FAT3: variants seen among roughly 807,000 people sequenced by gnomAD.
FAT3 encodes FAT atypical cadherin 3, also known as protocadherin Fat 3.
In FAT3, 95 loss-of-function variants were observed where a neutral mutation model predicts 310.2. That is an observed-to-expected ratio of 0.31 (90% CI 0.26 to 0.36). The LOEUF is 0.36. Ranked by LOEUF, FAT3 falls within the 10% of genes least tolerant of loss-of-function variation. FAT3 has a pLI of 1.00. For missense variants in FAT3, 5,408 were observed against 5,715.6 expected (o/e 0.95, Z 1.74); for synonymous variants, 2,314 against 2,192.9 (o/e 1.06, Z -1.54).
At chr11:92,437,358 T>C (rs1950961878) in intron 2 of FAT3, among the ~76,000 whole-genome samples, 1 of 152,200 alleles carries the variant, frequency 6.6e-6, no homozygotes, top group Admixed American at 6.5e-5. Context: ...ACAGTATTAA[T>C]TGTCAGCAGA....
At chr11:92,427,375 G>T (rs1317672373) in intron 2 of FAT3, among the ~76,000 whole-genome samples, 1 of 152,096 alleles carries the variant, frequency 6.6e-6, no homozygotes, top group Non-Finnish European at 1.5e-5. Flanking sequence ...TCCCTTGCCT[G>T]ATTGCCCTGG....
chr11:92,874,700 C>T (rs10765568), intron 22 of FAT3, among the ~76,000 whole-genome samples: 46,677 of 151,992 alleles, frequency 0.31, 7,948 homozygotes, highest in South Asian at 0.48. Flanking sequence ...CCACCATGCC[C>T]GGCTAATTTT....
chr11:92,289,536 C>CAT (rs1463070776), intron 1 of FAT3, among the ~76,000 whole-genome samples: 1 of 127,596 alleles, frequency 7.8e-6, no homozygotes, highest in Non-Finnish European at 1.6e-5. Flanking sequence ...CACACACACA[C>CAT]ATATATATGT....
At chr11:92,739,351 A>G (rs1189605577) in intron 4 of FAT3, among the ~76,000 whole-genome samples, 1 of 152,104 alleles carries the variant, frequency 6.6e-6, no homozygotes, top group African/African-American at 2.4e-5. Flanking sequence ...TGTTATGGTA[A>G]TGGTCCTATC....
intron 2 of FAT3, among the ~76,000 whole-genome samples, chr11:92,389,296 C>T (rs1949697279): frequency 6.6e-6 from 1 of 152,134 alleles, no homozygotes; most frequent in South Asian, 2.1e-4. Context: ...AAGTCTAAGA[C>T]CAGCTCGTAG....
In FAT3 at chr11:92,373,768, A is replaced by G. The variant is rs1424353545; in HGVS notation, c.3292+18364A>G. 1.5e-4 allele frequency among the ~76,000 whole-genome samples: 10 copies of G among 67,590 alleles called. No individual in the cohort carries two copies. The African/African-American group carries it at 3.8e-3, about 25-fold the overall frequency. 44.3% of individuals were successfully genotyped at this position (67,590 alleles called of 152,430 possible). A position where few individuals can be genotyped will look rare whatever the true frequency, so the allele number is the denominator to read the frequency against. ...CCAGTGGAGATATGTATGCACACACACACACACACACACACACACACACAC... is the reference window on the plus strand; with the variant it reads ...CCAGTGGAGATATGTATGCACACACGCACACACACACACACACACACACAC... On this transcript the variant is annotated intron_variant, in intron 2 of 27. Transcript: ENST00000525166.
intron 1 of FAT3, among the ~76,000 whole-genome samples, chr11:92,260,901 A>G (rs1865525020): frequency 6.6e-6 from 1 of 152,094 alleles, no homozygotes; most frequent in Non-Finnish European, 1.5e-5. Context: ...ACAGACAGTA[A>G]AAAAACTTAA....
At chr11:92,707,625 A>G (rs1338553773) in intron 4 of FAT3, among the ~76,000 whole-genome samples, 1 of 152,198 alleles carries the variant, frequency 6.6e-6, no homozygotes, top group Non-Finnish European at 1.5e-5. Context: ...CTAGGAGCCC[A>G]GACTGGCTTC....
chr11:92,346,072 T>C (rs16917403), intron 1 of FAT3, among the ~76,000 whole-genome samples: 12,823 of 152,236 alleles, frequency 0.084, 1,016 homozygotes, highest in African/African-American at 0.21. Flanking sequence ...TCAAACCCTT[T>C]TTCTTCTTTT....
rs2136084478 is a variant in FAT3 at position 92,761,969 on chromosome 11, C to G, written c.3783C>G (p.Ile1261Met). The change falls in exon 5 of 28, where the codon ATC (isoleucine) becomes ATG (methionine). Residue 1261 changes from isoleucine (I) to methionine (M), a missense_variant. Ile to Met is a conservative substitution (Grantham distance 10). Around this residue, in one of 5 missense-constraint regions of FAT3, gnomAD observed 4,588 missense variants for 4,809.8 expected, o/e 0.95. Transcript: ENST00000525166. The stretch of plus-strand genomic sequence containing the variant: ...AGTTCCCAGAGAAGGTCTACCAGAT[C>G]AAGCTGCCAGAACGTGACCGAAAGA... ...KPQFPEKVYQ[I>M]KLPERDRKKR... 1 of 1,613,954 alleles carries G rather than the reference C, an allele frequency of 6.2e-7. No homozygotes were observed. Among genetic ancestry groups the G allele is most frequent in the Non-Finnish European group, 8.5e-7 (1 of 1,179,884 alleles).
intron 3 of FAT3, among the ~76,000 whole-genome samples, chr11:92,592,951 G>A (rs1465780021): frequency 6.6e-6 from 1 of 151,956 alleles, no homozygotes; most frequent in Non-Finnish European, 1.5e-5. Context: ...CCCTATACTC[G>A]TTAAACAGCT....
At chr11:92,557,325 C>A (rs894482732) in intron 3 of FAT3, among the ~76,000 whole-genome samples, 1 of 152,150 alleles carries the variant, frequency 6.6e-6, no homozygotes, top group Non-Finnish European at 1.5e-5. Flanking sequence ...CAGGATTCCC[C>A]TGCACCTGTG....
At chr11:92,231,039 G>A (rs930642089) in intron 1 of FAT3, among the ~76,000 whole-genome samples, 1 of 152,218 alleles carries the variant, frequency 6.6e-6, no homozygotes, top group Non-Finnish European at 1.5e-5. Context: ...CTGTCGGAAT[G>A]TTAGTTAATA....
chr11:92,476,319 C>A (rs1254463382), intron 2 of FAT3, among the ~76,000 whole-genome samples: 1 of 152,106 alleles, frequency 6.6e-6, no homozygotes, highest in Non-Finnish European at 1.5e-5. Context: ...ATTTGTATAA[C>A]CTAGTTTCAA....
intron 1 of FAT3, among the ~76,000 whole-genome samples, chr11:92,266,264 T>C (rs11019890): frequency 0.12 from 18,758 of 152,188 alleles, 1,271 homozygotes; most frequent in East Asian, 0.3. Flanking sequence ...ATTCTCTAGT[T>C]TGAGAACCTG....
At chr11:92,604,753 C>A (rs1940194341) in intron 3 of FAT3, among the ~76,000 whole-genome samples, 1 of 152,164 alleles carries the variant, frequency 6.6e-6, no homozygotes, top group Non-Finnish European at 1.5e-5. Flanking sequence ...TCCTCTGAGC[C>A]CCTTCCTGGC....
intron 12 of FAT3, 76 bp downstream of exon 12, chr11:92,806,591 C>A: frequency 7.9e-7 from 1 of 1,266,806 alleles, no homozygotes; most frequent in Non-Finnish European, 1.1e-6. Flanking sequence ...GGTCTCATCA[C>A]TAGTAAATAG....
chr11:92,541,500 A>G (rs992026626), intron 3 of FAT3, among the ~76,000 whole-genome samples: 7 of 152,158 alleles, frequency 4.6e-5, no homozygotes, highest in African/African-American at 1.7e-4. Context: ...AGGAAATTTT[A>G]TATTGACATA....
chr11:92,692,391 C>A (rs970860638), intron 3 of FAT3, among the ~76,000 whole-genome samples: 7 of 152,154 alleles, frequency 4.6e-5, no homozygotes, highest in Non-Finnish European at 1.0e-4. Context: ...GATTTATTCA[C>A]CACCCTTTTG....
Sources: gnomAD v4.1 joint callset for allele counts (sites outside exome capture counted in the v4.1 genomes callset) on GRCh38, gnomAD v4.1.1 for gene constraint, gnomAD v4.1.1 regional missense constraint, MANE v1.5 for transcripts, NCBI Gene and HGNC (gene_info 2026-07-23, HGNC 2026-07-21) for gene names.